Variants in ATP11C observed in about 807,000 individuals in gnomAD.
ATP11C encodes the protein ATPase phospholipid transporting 11C (ATP11C blood group).
In ATP11C, 36 loss-of-function variants were observed where a neutral mutation model predicts 97.4. The ratio of observed to expected loss-of-function variants is 0.37; its 90% confidence interval spans 0.28 to 0.49. ATP11C has a LOEUF of 0.49. ATP11C is among the 20% of genes least tolerant of loss of function. The probability of loss-of-function intolerance (pLI) is 0.98; values close to 1 mark genes in which losing one functional copy is unlikely to be tolerated. For missense variants in ATP11C, 730 were observed against 824.6 expected (o/e 0.89, Z 1.40); for synonymous variants, 275 against 290.9 (o/e 0.95, Z 0.56).
At chrX:139,762,168 T>C (rs2082050831) in intron 21 of ATP11C, 62 bp from the exon 22 acceptor site, 2 of 882,127 alleles carry the variant, frequency 2.3e-6, no homozygotes, top group East Asian at 6.4e-5. Flanking sequence ...CTGATTTATC[T>C]TCACAGTTTC....
At position 139,762,104 on chromosome X, in the gene ATP11C, T is replaced by C. The variant is rs2082049065; in HGVS notation, c.2497A>G (p.Ile833Val). The C allele has an allele frequency of 8.4e-7, 1 of 1,195,233 alleles. No homozygotes were observed. ...GCTTGGCGACCTTCTTTGCCTTTAATACCTAAAAGAGAGTATCTCTATATG... is the reference window on the plus strand; with the variant it reads ...GCTTGGCGACCTTCTTTGCCTTTAACACCTAAAAGAGAGTATCTCTATATG... Reference protein sequence around the residue: ...MILESHVGIGIKGKEGRQAAR... With the variant: ...MILESHVGIGVKGKEGRQAAR... Residue 833 changes from isoleucine (I) to valine (V), a missense_variant and splice_region_variant, in exon 22 of 30, where the codon ATT becomes GTT. Physicochemically the swap from Ile to Val is conservative, Grantham distance 29. Coordinates refer to ENST00000682941, the MANE Select transcript of ATP11C (RefSeq NM_001353812.2).
At position 139,905,808 on chromosome X, in the gene ATP11C, G is replaced by A. The variant is rs897448556; in HGVS notation, c.27+26208C>T. Among the ~76,000 whole-genome samples the A allele has an allele frequency of 4.5e-5, 5 of 111,675 alleles. No individual in the cohort carries two copies. The Admixed American group carries it at 4.8e-4, about 11-fold the overall frequency. On this transcript the variant is annotated intron_variant, in intron 1 of 29. Transcript: ENST00000682941. ...CTGCTGTAATTGGAAAGGCTACTAA[G>A]CAAGATTTGGAAGATCAAGGGCAAA... is the stretch of plus-strand genomic sequence containing the variant.
At chrX:139,731,458 T>C (rs1194988348) in intron 29 of ATP11C, among the ~76,000 whole-genome samples, 193 bp downstream of exon 29, 1 of 112,429 alleles carries the variant, frequency 8.9e-6, no homozygotes, top group Admixed American at 9.4e-5. Flanking sequence ...GCTTATCATA[T>C]TTTAATGTTT....
chrX:139,761,717 C>T (rs1380775320), intron 22 of ATP11C, among the ~76,000 whole-genome samples: 2 of 111,109 alleles, frequency 1.8e-5, no homozygotes, highest in Non-Finnish European at 3.8e-5. Flanking sequence ...GATGAATACA[C>T]TTTATTGTAT....
At chrX:139,743,699 A>T (rs183092049) in intron 25 of ATP11C, 75 bp from the exon 26 acceptor site, 20 of 646,844 alleles carry the variant, frequency 3.1e-5, no homozygotes, top group Non-Finnish European at 4.3e-5. Flanking sequence ...TTAAAAAAAA[A>T]GCCAAGTTGA....
intron 1 of ATP11C, among the ~76,000 whole-genome samples, chrX:139,928,633 T>A (rs1479583440): frequency 3.6e-5 from 4 of 112,089 alleles, no homozygotes; most frequent in African/African-American, 1.3e-4. Flanking sequence ...ATTTTAAATT[T>A]CCATTCTTCC....
chrX:139,763,897 G>A (rs1299266442), intron 20 of ATP11C, among the ~76,000 whole-genome samples: 1 of 111,733 alleles, frequency 8.9e-6, no homozygotes, highest in African/African-American at 3.3e-5. Flanking sequence ...ACTTGTCCTA[G>A]TTCTATGCAT....
intron 5 of ATP11C, among the ~76,000 whole-genome samples, chrX:139,806,607 C>T (rs1303733513): frequency 9.0e-6 from 1 of 111,001 alleles, no homozygotes; most frequent in Non-Finnish European, 1.9e-5. Context: ...TGGGTGTGAG[C>T]TAGTATGACA....
intron 1 of ATP11C, among the ~76,000 whole-genome samples, chrX:139,838,019 T>C (rs774179858): frequency 9.8e-5 from 11 of 112,298 alleles, no homozygotes; most frequent in African/African-American, 3.6e-4. Context: ...TGGGGCTTCC[T>C]CATAATTCTC....
chrX:139,738,903 C>T (rs749319923), intron 27 of ATP11C, among the ~76,000 whole-genome samples: 1 of 111,160 alleles, frequency 9.0e-6, no homozygotes, highest in East Asian at 2.8e-4. Flanking sequence ...AGGTAGATAA[C>T]CATGGCTCCT....
intron 1 of ATP11C, among the ~76,000 whole-genome samples, chrX:139,831,940 C>T (rs533582238): frequency 7.2e-5 from 8 of 111,625 alleles, no homozygotes; most frequent in African/African-American, 2.6e-4. Context: ...GCCTTTCATT[C>T]CAAACACTTA....
At chrX:139,915,909 TA>T (rs1046215806) in intron 1 of ATP11C, among the ~76,000 whole-genome samples, 13 of 111,156 alleles carry the variant, frequency 1.2e-4, no homozygotes, top group Non-Finnish European at 1.7e-4. Flanking sequence ...AATCATAATT[TA>T]AAAAGGCATG....
At chrX:139,914,351 G>C (rs987288811) in intron 1 of ATP11C, among the ~76,000 whole-genome samples, 1 of 112,230 alleles carries the variant, frequency 8.9e-6, no homozygotes, top group Non-Finnish European at 1.9e-5. Flanking sequence ...TTATTTTACA[G>C]ATGGGAAGTC....
intron 1 of ATP11C, among the ~76,000 whole-genome samples, chrX:139,900,203 T>C (rs912889193): frequency 1.8e-5 from 2 of 109,652 alleles, no homozygotes; most frequent in Middle Eastern, 4.7e-3. Context: ...ACCCCGTCTC[T>C]ACAAAAAATA....
intron 1 of ATP11C, among the ~76,000 whole-genome samples, chrX:139,843,912 G>GA (rs199615238): frequency 0.054 from 4,130 of 76,639 alleles, 191 homozygotes; most frequent in African/African-American, 0.16. Context: ...TTCTGACAAA[G>GA]AAAAAAAAAA....
chrX:139,911,605 T>C (rs1263539153), intron 1 of ATP11C, among the ~76,000 whole-genome samples: 1 of 111,600 alleles, frequency 9.0e-6, no homozygotes, highest in Non-Finnish European at 1.9e-5. Flanking sequence ...TGATTACGTA[T>C]GTGAGACTTC....
intron 21 of ATP11C, among the ~76,000 whole-genome samples, chrX:139,763,039 CAATT>C (rs1459598554): frequency 8.9e-6 from 1 of 112,343 alleles, no homozygotes; most frequent in African/African-American, 3.2e-5. Context: ...GCTAAACAAT[CAATT>C]GTGCTGCCAG....
chrX:139,779,218 G>C (rs1035766464), intron 18 of ATP11C, among the ~76,000 whole-genome samples: 1 of 111,557 alleles, frequency 9.0e-6, no homozygotes, highest in Non-Finnish European at 1.9e-5. Context: ...ACTTAAATTG[G>C]ACTCTTGACC....
intron 1 of ATP11C, among the ~76,000 whole-genome samples, chrX:139,850,123 T>C (rs918274212): frequency 1.8e-5 from 2 of 111,791 alleles, no homozygotes; most frequent in East Asian, 2.8e-4. Context: ...GAGAGTAGGA[T>C]TGTTACTATA....
Sources: gnomAD v4.1 joint callset for allele counts (sites outside exome capture counted in the v4.1 genomes callset) on GRCh38, gnomAD v4.1.1 for gene constraint, MANE v1.5 for transcripts, NCBI Gene and HGNC (gene_info 2026-07-23, HGNC 2026-07-21) for gene names.